DLG5: variants seen among roughly 807,000 people sequenced by gnomAD.
DLG5 encodes discs large MAGUK scaffold protein 5, also known as disks large homolog 5.
Under a neutral mutation model 189.8 loss-of-function variants are expected in DLG5, and 48 were observed. That is an observed-to-expected ratio of 0.25 (90% CI 0.20 to 0.32). The LOEUF (loss-of-function observed/expected upper bound fraction) is 0.32. Among genes scored for constraint, DLG5 ranks in the 10% least tolerant of loss-of-function variants. The probability of loss-of-function intolerance (pLI) is 1.00; values close to 1 mark genes in which losing one functional copy is unlikely to be tolerated. For missense variants in DLG5, 2,160 were observed against 2,544.7 expected, an observed-to-expected ratio of 0.85 and a Z score of 3.25; for synonymous variants, 1,016 against 1,054.1, an observed-to-expected ratio of 0.96 and a Z score of 0.70.
At chr10:77,875,682 G>A (rs758306297) in intron 1 of DLG5, among the ~76,000 whole-genome samples, 12 of 152,160 alleles carry the variant, frequency 7.9e-5, no homozygotes, top group Non-Finnish European at 1.6e-4. Flanking sequence ...ACCTTTGGCA[G>A]AGCCCACCTT....
intron 27 of DLG5, among the ~76,000 whole-genome samples, chr10:77,797,540 C>T (rs1840984554): frequency 6.6e-6 from 1 of 152,184 alleles, no homozygotes; most frequent in South Asian, 2.1e-4. Flanking sequence ...GGCTGGATGA[C>T]AGGGTGAAAA....
At chr10:77,934,083 C>A in the DLG5 span, among the ~76,000 whole-genome samples, 2 of 143,694 alleles carry the variant, frequency 1.4e-5, no homozygotes, top group African/African-American at 5.2e-5. Context: ...TAAAAAAGGG[C>A]AAGTAGGCTG....
intron 20 of DLG5, among the ~76,000 whole-genome samples, chr10:77,814,224 C>T (rs1435332287): frequency 2.6e-5 from 4 of 151,588 alleles, no homozygotes; most frequent in Admixed American, 1.3e-4. Context: ...GTGATATGCC[C>T]GTCTCAGCCA....
At chr10:77,888,413 G>A (rs1313493812) in intron 1 of DLG5, among the ~76,000 whole-genome samples, 2 of 152,196 alleles carry the variant, frequency 1.3e-5, no homozygotes, top group African/African-American at 4.8e-5. Context: ...GTCCTGGAGA[G>A]GAAAATGGTA....
upstream of DLG5, chr10:77,928,103 T>C (rs1846748220): frequency 6.6e-6 from 1 of 152,134 alleles, no homozygotes; most frequent in Non-Finnish European, 1.5e-5. Context: ...AACAAGAGTA[T>C]CAGAATTTGC....
At chr10:77,808,401 G>T (rs1841586051) in intron 24 of DLG5, among the ~76,000 whole-genome samples, 1 of 152,010 alleles carries the variant, frequency 6.6e-6, no homozygotes, top group Non-Finnish European at 1.5e-5. Context: ...AGAATAGCTG[G>T]GACAACAGGC....
rs372858389 is a variant in DLG5 at position 77,794,096 on chromosome 10, G to A, written c.5568C>T (p.Tyr1856=). 8.5e-5 allele frequency: 137 copies of A among 1,614,036 alleles called. No individual in the cohort carries two copies. The highest frequency in any genetic ancestry group is 1.1e-4 in the Non-Finnish European group (131 of 1,180,028). ...GCCTCTGAGTCACCTTGTCCCTCAGGTAGATGGGGTCTCTCTGCTCCCTGT... is the reference window on the plus strand; with the variant it reads ...GCCTCTGAGTCACCTTGTCCCTCAGATAGATGGGGTCTCTCTGCTCCCTGT... ...KHIKEQRDPI[Y]LRDKVTQRHS... is the part of the protein sequence containing the mutation. The change falls in exon 31 of 32, where the codon TAC becomes TAT. Residue 1856 remains tyrosine, a synonymous_variant. Transcript: ENST00000372391.
At chr10:77,826,012 T>C (rs960573015) in intron 13 of DLG5, among the ~76,000 whole-genome samples, 8 of 152,186 alleles carry the variant, frequency 5.3e-5, no homozygotes, top group Non-Finnish European at 1.2e-4. Context: ...TGAAAAACAT[T>C]GGCAAAGATG....
At chr10:77,832,667 C>T (rs771922172) in intron 9 of DLG5, among the ~76,000 whole-genome samples, 2 of 152,152 alleles carry the variant, frequency 1.3e-5, no homozygotes, top group African/African-American at 2.4e-5. Flanking sequence ...ACTTAGCAGA[C>T]AGGAGGCACA....
intron 1 of DLG5, among the ~76,000 whole-genome samples, chr10:77,887,495 G>A (rs1157742860): frequency 6.6e-6 from 1 of 152,002 alleles, no homozygotes; most frequent in East Asian, 1.9e-4. Flanking sequence ...TTTTAAATAA[G>A]CACTGTTGCT....
At chr10:77,881,243 C>T (rs1206077305) in intron 1 of DLG5, among the ~76,000 whole-genome samples, 1 of 152,104 alleles carries the variant, frequency 6.6e-6, no homozygotes. Context: ...AAAAGTGATA[C>T]TCACTAGTTC....
chr10:77,893,921 G>A (rs554380540), intron 1 of DLG5, among the ~76,000 whole-genome samples: 111 of 152,134 alleles, frequency 7.3e-4, no homozygotes, highest in Non-Finnish European at 1.4e-3. Context: ...TACCCGGCGC[G>A]TGGCCCGCAT....
intron 1 of DLG5, among the ~76,000 whole-genome samples, chr10:77,915,251 C>T (rs1296896106): frequency 6.6e-6 from 1 of 151,382 alleles, no homozygotes; most frequent in African/African-American, 2.4e-5. Flanking sequence ...TGCTTGAACC[C>T]GGGGGACGAA....
intron 1 of DLG5, among the ~76,000 whole-genome samples, chr10:77,887,693 T>C (rs1845479504): frequency 1.3e-5 from 2 of 152,138 alleles, no homozygotes; most frequent in Admixed American, 6.5e-5. Context: ...TCAGCTGAGA[T>C]GAGATAAGAG....
In DLG5 at chr10:77,809,584, C is replaced by T; in HGVS notation, c.4610G>A (p.Gly1537Asp). 6.2e-7 allele frequency: 1 copy of T among 1,614,118 alleles called. No individual in the cohort carries two copies. The highest frequency in any genetic ancestry group is 8.5e-7 in the Non-Finnish European group (1 of 1,179,996). ...GTCCCCTGGCACGAGGCCGTCAGGA[C>T]CCTTGGCAGGACTGTCATCCTCCAC... ...AEVEDDSPAK[G>D]PDGLVPGDLI... Residue 1537 changes from glycine to aspartate, a missense_variant, in exon 24 of 32, where the codon GGT becomes GAT. Around this residue, in one of 5 missense-constraint regions of DLG5, gnomAD observed 574 missense variants for 644.2 expected, o/e 0.89. Transcript: ENST00000372391.
At chr10:77,801,427 A>G (rs1405948653) in intron 27 of DLG5, among the ~76,000 whole-genome samples, 2 of 152,210 alleles carry the variant, frequency 1.3e-5, no homozygotes, top group African/African-American at 4.8e-5. Context: ...AGAAGTGGAA[A>G]ATGCAGGAGA....
At chr10:77,842,226 C>A in intron 6 of DLG5, 33 bp from the exon 7 acceptor site, 1 of 1,584,534 alleles carries the variant, frequency 6.3e-7, no homozygotes, top group South Asian at 1.1e-5. Context: ...GTGGGAAGGG[C>A]GGGGGCCCTG....
chr10:77,793,352 A>G (rs545214102), intron 31 of DLG5, among the ~76,000 whole-genome samples: 1 of 152,240 alleles, frequency 6.6e-6, no homozygotes, highest in African/African-American at 2.4e-5. Flanking sequence ...TCCCTGGACT[A>G]GATCATAACA....
chr10:77,902,696 T>C (rs554619163), intron 1 of DLG5, among the ~76,000 whole-genome samples: 8 of 151,866 alleles, frequency 5.3e-5, no homozygotes, highest in Middle Eastern at 3.4e-3. Context: ...CCATCTCTAC[T>C]AAAAATACAA....
Sources: gnomAD v4.1 joint callset for allele counts (sites outside exome capture counted in the v4.1 genomes callset) on GRCh38, gnomAD v4.1.1 for gene constraint, gnomAD v4.1.1 regional missense constraint, MANE v1.5 for transcripts, NCBI Gene and HGNC (gene_info 2026-07-23, HGNC 2026-07-21) for gene names.